The following OSBP2 variants were observed in gnomAD, a reference collection of about 807,000 sequenced individuals.
OSBP2 encodes oxysterol-binding protein 2.
OSBP2 carries 66 observed loss-of-function variants against 96.0 expected under a neutral mutation model. The ratio of observed to expected loss-of-function variants is 0.69; its 90% confidence interval spans 0.56 to 0.84. The LOEUF is 0.84. Among genes scored for constraint, OSBP2 ranks in the 40% least tolerant of loss-of-function variants. OSBP2 has a pLI of 0.00. For synonymous variants in OSBP2, 525 were observed against 520.9 expected, an observed-to-expected ratio of 1.01 and a Z score of -0.11; for missense variants, 1,038 against 1,222.7, an observed-to-expected ratio of 0.85 and a Z score of 2.25.
At chr22:30,698,941 T>G (rs2089108313) in intron 1 of OSBP2, among the ~76,000 whole-genome samples, 1 of 151,304 alleles carries the variant, frequency 6.6e-6, no homozygotes, top group South Asian at 2.1e-4. Context: ...TATTTTTTAT[T>G]GCAATTTTTG....
chr22:30,902,538 G>A (rs1318052916), intron 12 of OSBP2: 1 of 1,358,354 alleles, frequency 7.4e-7, no homozygotes, highest in Non-Finnish European at 1.0e-6. Context: ...AGGCAGGGGA[G>A]GTAGTCACCC....
chr22:30,903,951 C>G (rs1378800646), intron 12 of OSBP2, among the ~76,000 whole-genome samples: 10 of 152,232 alleles, frequency 6.6e-5, no homozygotes, highest in African/African-American at 9.6e-5. Context: ...CTGTAGCTGT[C>G]TAGGTCTGAG....
intron 2 of OSBP2, among the ~76,000 whole-genome samples, chr22:30,758,662 TG>T (rs1351351165): frequency 6.6e-6 from 1 of 152,062 alleles, no homozygotes; most frequent in Non-Finnish European, 1.5e-5. Context: ...GTGATAGCAG[TG>T]GCGATGAGAG....
intron 2 of OSBP2, among the ~76,000 whole-genome samples, chr22:30,856,373 CTTTTTT>C (rs56875088): frequency 6.3e-4 from 64 of 101,426 alleles, no homozygotes; most frequent in African/African-American, 1.4e-3. Flanking sequence ...CAGAGCCCTT[CTTTTTT>C]TTTTTTTTTT....
rs994613256 is a variant in OSBP2 at position 30,893,168 on chromosome 22, A to G, written c.1916A>G (p.His639Arg). ...GCTGCGCACTACGTGTTCTCCAAGC[A>G]TGGCTGGAGCCTCTGGCAGGAGATC... ...PSAAHYVFSK[H>R]GWSLWQEITI... The change falls in exon 9 of 14, where the codon CAT becomes CGT. Residue 639 changes from histidine (H) to arginine (R), a missense_variant. Physicochemically the swap from His to Arg is conservative, Grantham distance 29. Around this residue, in one of 3 missense-constraint regions of OSBP2, gnomAD observed 737 missense variants for 913.3 expected, o/e 0.81. Transcript: ENST00000332585. 2 of 1,614,122 alleles carry G rather than the reference A, an allele frequency of 1.2e-6. No individual in the cohort carries two copies. The highest frequency in any genetic ancestry group is 1.3e-5 in the African/African-American group (1 of 75,056).
Position 30,856,390 on chromosome 22 carries a change from TTTTTTTTTTTTTTG to T in OSBP2, c.854-14038_854-14025del, listed in dbSNP as rs1243464101. ...GAGCCCTTCTTTTTTTTTTTTTTTTTTTTTTTTTTTTTTGGAGACAGGGTCTTGCTCTGTAGCCC... is the reference window on the plus strand; with the variant it reads ...GAGCCCTTCTTTTTTTTTTTTTTTTTGAGACAGGGTCTTGCTCTGTAGCCC... On this transcript the variant is annotated intron_variant, in intron 2 of 13. Coordinates refer to ENST00000332585, the MANE Select transcript of OSBP2 (RefSeq NM_030758.4). Among the ~76,000 whole-genome samples, 6 of 48,938 alleles carry T rather than the reference TTTTTTTTTTTTTTG, an allele frequency of 1.2e-4. No homozygotes were observed. The South Asian group carries it at 1.8e-3, about 14-fold the overall frequency. The allele number at this position is 48,938 out of a possible 152,430, so 32.1% of individuals were successfully genotyped here. A position where few individuals can be genotyped will look rare whatever the true frequency, so the allele number is the denominator to read the frequency against.
intron 2 of OSBP2, among the ~76,000 whole-genome samples, chr22:30,748,007 G>C (rs995291397): frequency 5.9e-5 from 9 of 151,476 alleles, no homozygotes; most frequent in Admixed American, 1.3e-4. Context: ...TCAGTCTGTA[G>C]CTGGGACTAC....
upstream of OSBP2, chr22:30,694,763 T>TGGCGGGCGCG (rs1189832578): frequency 3.5e-6 from 2 of 573,034 alleles, no homozygotes; most frequent in Non-Finnish European, 4.4e-6. Context: ...CGGCGGGCGC[T>TGGCGGGCGCG]GACGGGCACG....
chr22:30,761,046 G>T (rs763513765), intron 2 of OSBP2, among the ~76,000 whole-genome samples: 2 of 152,086 alleles, frequency 1.3e-5, no homozygotes, highest in African/African-American at 4.8e-5. Context: ...TTTACTTTCC[G>T]CCTAGGATCA....
Position 30,731,359 on chromosome 22 carries a change from G to A in OSBP2, c.645-9802G>A, listed in dbSNP as rs187851441. Among the ~76,000 whole-genome samples the A allele has an allele frequency of 1.2e-4, 18 of 152,200 alleles. No individual in the cohort carries two copies. In the East Asian group the frequency reaches 1.7e-3, roughly 15 times the overall value. ...GGTGGGTCGCTCAGCAAGCATGCTT[G>A]CCTGGCACATGGACTTTTCCAGAAC... On this transcript the variant is annotated intron_variant, in intron 1 of 13. Transcript: ENST00000332585.
intron 1 of OSBP2, among the ~76,000 whole-genome samples, chr22:30,735,635 T>C (rs1418316152): frequency 1.3e-5 from 2 of 151,980 alleles, no homozygotes; most frequent in Non-Finnish European, 2.9e-5. Flanking sequence ...CTGATGTTAT[T>C]CTTTATCTTT....
intron 12 of OSBP2, among the ~76,000 whole-genome samples, chr22:30,898,801 AT>A (rs1383802692): frequency 4.0e-5 from 6 of 151,816 alleles, no homozygotes; most frequent in Non-Finnish European, 7.4e-5. Flanking sequence ...AGGCGGGAGG[AT>A]TGCTTGAGTT....
chr22:30,729,329 C>T (rs1053609169), intron 1 of OSBP2, among the ~76,000 whole-genome samples: 3 of 152,170 alleles, frequency 2.0e-5, no homozygotes, highest in South Asian at 2.1e-4. Context: ...AAATGTCCAT[C>T]GATGGATGGA....
At chr22:30,797,608 T>G (rs546077411) in intron 2 of OSBP2, among the ~76,000 whole-genome samples, 2 of 151,134 alleles carry the variant, frequency 1.3e-5, no homozygotes, top group East Asian at 3.9e-4. Context: ...AACTAATTTT[T>G]TTTTTTTTTT....
intron 2 of OSBP2, among the ~76,000 whole-genome samples, chr22:30,813,786 C>G (rs1461189830): frequency 1.3e-5 from 2 of 151,182 alleles, no homozygotes; most frequent in Non-Finnish European, 2.9e-5. Context: ...CCTTACCTAA[C>G]TTTTCCCAGA....
In OSBP2 at chr22:30,888,329, CAAGG is replaced by C; in HGVS notation, c.1411_1414del (p.Glu471ThrfsTer23). 1 of 1,608,408 alleles carries C rather than the reference CAAGG, an allele frequency of 6.2e-7. No homozygotes were observed. The highest frequency in any genetic ancestry group is 8.5e-7 in the Non-Finnish European group (1 of 1,174,926). ...CCTTCATCACCGTGATCACCGAGGC[CAAGG>C]AAGACAGGTAAGGTGGCTGCAGCTG... On this transcript the variant is annotated frameshift_variant, in exon 5 of 14. Coordinates refer to ENST00000332585, the MANE Select transcript of OSBP2 (RefSeq NM_030758.4). LOFTEE classifies it high-confidence loss of function.
chr22:30,741,448 T>C, intron 2 of OSBP2, 79 bp downstream of exon 2: 1 of 1,216,674 alleles, frequency 8.2e-7, no homozygotes, highest in Non-Finnish European at 1.1e-6. Flanking sequence ...AAGCCACTGG[T>C]GGGCAGTGGT....
intron 1 of OSBP2, among the ~76,000 whole-genome samples, chr22:30,696,889 C>T (rs763163591): frequency 6.6e-6 from 1 of 152,082 alleles, no homozygotes; most frequent in Non-Finnish European, 1.5e-5. Flanking sequence ...GAACTCCTGA[C>T]CTCAGGTGAT....
At chr22:30,826,995 G>A (rs981321417) in intron 2 of OSBP2, among the ~76,000 whole-genome samples, 1 of 152,208 alleles carries the variant, frequency 6.6e-6, no homozygotes, top group Admixed American at 6.5e-5. Flanking sequence ...GGGGATCCTG[G>A]AGAGCTTCCT....
Sources: allele counts gnomAD v4.1 joint callset (sites outside exome capture counted in the v4.1 genomes callset), GRCh38; gene constraint gnomAD v4.1.1; regional missense constraint gnomAD v4.1.1; transcripts MANE v1.5; gene names NCBI Gene and HGNC (gene_info 2026-07-23, HGNC 2026-07-21).